Variants in TTC7A observed in about 807,000 individuals in gnomAD.
TTC7A encodes the protein tetratricopeptide repeat domain 7A.
Under a neutral mutation model 103.7 loss-of-function variants are expected in TTC7A, and 110 were observed. That is an observed-to-expected ratio of 1.06 (90% CI 0.91 to 1.24). The LOEUF is 1.24. Ranked by LOEUF, TTC7A falls within the 50% of genes most tolerant of loss-of-function variation. TTC7A has a pLI of 0.00. For missense variants in TTC7A, 1,340 were observed against 1,116.3 expected (o/e 1.20, Z -2.86); for synonymous variants, 521 against 467.9 (o/e 1.11, Z -1.47).
At chr2:46,958,465 C>T (rs1488689253) in intron 3 of TTC7A, 1 of 1,302,772 alleles carries the variant, frequency 7.7e-7, no homozygotes, top group Non-Finnish European at 1.0e-6. Flanking sequence ...GATGGATTGC[C>T]CCCTGTCTCC....
At chr2:46,943,686 T>G (rs1349906499) in intron 1 of TTC7A, among the ~76,000 whole-genome samples, 1 of 152,192 alleles carries the variant, frequency 6.6e-6, no homozygotes, top group Non-Finnish European at 1.5e-5. Context: ...GATTGAGAGC[T>G]TGTTCTTTTT....
intron 19 of TTC7A, among the ~76,000 whole-genome samples, chr2:47,070,375 C>A (rs1438852295): frequency 1.3e-5 from 2 of 152,248 alleles, no homozygotes; most frequent in Non-Finnish European, 2.9e-5. Context: ...TCCACGTGGG[C>A]AGCATCCCTG....
chr2:46,974,837 T>A, intron 3 of TTC7A, 136 bp from the exon 4 acceptor site: 274 of 1,169,584 alleles, frequency 2.3e-4, no homozygotes, highest in Middle Eastern at 1.3e-3. Context: ...CTCCCTCCCC[T>A]CCGCAGACCT....
At chr2:47,059,233 G>A (rs943719105) in intron 18 of TTC7A, among the ~76,000 whole-genome samples, 1 of 151,632 alleles carries the variant, frequency 6.6e-6, no homozygotes, top group Non-Finnish European at 1.5e-5. Context: ...ATCCTGGCCA[G>A]GCTGGTCTTG....
intron 10 of TTC7A, among the ~76,000 whole-genome samples, chr2:47,010,842 G>A (rs911821504): frequency 2.6e-5 from 4 of 152,138 alleles, no homozygotes; most frequent in African/African-American, 9.7e-5. Flanking sequence ...TGGGACTATG[G>A]ACACACGCCT....
At chr2:46,981,138 A>G (rs1674414081) in intron 5 of TTC7A, among the ~76,000 whole-genome samples, 1 of 152,208 alleles carries the variant, frequency 6.6e-6, no homozygotes. Flanking sequence ...CTTGACAGAA[A>G]AAATTTGCTG....
chr2:47,010,795 G>A (rs185938933), intron 10 of TTC7A, among the ~76,000 whole-genome samples: 174 of 152,306 alleles, frequency 1.1e-3, no homozygotes, highest in Non-Finnish European at 2.2e-3. Flanking sequence ...CACCTCTTGG[G>A]TTCAAGCGAT....
In TTC7A at chr2:46,968,557, G is replaced by T. The variant is rs954556149; in HGVS notation, c.518-6416G>T. 3.9e-5 allele frequency among the ~76,000 whole-genome samples: 6 copies of T among 152,312 alleles called. No individual in the cohort carries two copies. In the East Asian group the frequency reaches 9.6e-4, roughly 24 times the overall value. ...CAAGGTTCCCGGCCCCTTTTTATGGGCAGAACTGGGTGACTGGACTGTGAC... is the reference window on the plus strand; with the variant it reads ...CAAGGTTCCCGGCCCCTTTTTATGGTCAGAACTGGGTGACTGGACTGTGAC... On this transcript the variant is annotated intron_variant, in intron 3 of 19. Transcript: ENST00000319190.
chr2:47,029,451 C>A, intron 15 of TTC7A, 67 bp downstream of exon 15: 1 of 1,556,336 alleles, frequency 6.4e-7, no homozygotes, highest in Non-Finnish European at 8.8e-7. Context: ...CGCCCATGCA[C>A]ACCTGCCCTG....
At chr2:46,945,246 C>G (rs1309775473) in intron 1 of TTC7A, among the ~76,000 whole-genome samples, 1 of 151,974 alleles carries the variant, frequency 6.6e-6, no homozygotes. Context: ...GGTGTGTATG[C>G]CACTACACCC....
At chr2:46,925,387 A>T (rs770740365) in intron 2 of TTC7A, among the ~76,000 whole-genome samples, 9 of 152,100 alleles carry the variant, frequency 5.9e-5, no homozygotes, top group Non-Finnish European at 8.8e-5. Flanking sequence ...GTGAAACCCC[A>T]TCTCTACTAA....
At chr2:46,926,609 T>G (rs879601993) in intron 2 of TTC7A, among the ~76,000 whole-genome samples, 1 of 152,204 alleles carries the variant, frequency 6.6e-6, no homozygotes, top group Admixed American at 6.5e-5. Context: ...GATTTCAGAT[T>G]GGTAGAGCCC....
intron 2 of TTC7A, among the ~76,000 whole-genome samples, chr2:46,918,281 T>C (rs1261568938): frequency 2.0e-5 from 3 of 152,242 alleles, no homozygotes; most frequent in African/African-American, 7.2e-5. Flanking sequence ...ATTTATCTCA[T>C]CCCTTTACCT....
chr2:47,064,397 A>T lies in TTC7A; in HGVS notation c.2355+3426A>T, dbSNP rs545300534. The stretch of plus-strand genomic sequence containing the variant: ...CACTCAGCTGGGGTATTCAGAACTG[A>T]ATTCACTGGCAGAAAATTCTAGCCA... On this transcript the variant is annotated intron_variant, in intron 19 of 19. Coordinates refer to ENST00000319190, the MANE Select transcript of TTC7A (RefSeq NM_020458.4). Among the ~76,000 whole-genome samples, 3 of 152,358 alleles carry T rather than the reference A, an allele frequency of 2.0e-5. No homozygotes were observed. The East Asian group carries it at 5.8e-4, about 29-fold the overall frequency.
At chr2:47,003,667 C>T (rs1257476216) in intron 8 of TTC7A, among the ~76,000 whole-genome samples, 1 of 152,214 alleles carries the variant, frequency 6.6e-6, no homozygotes, top group Non-Finnish European at 1.5e-5. Flanking sequence ...TGCCTGGCTC[C>T]ACCCGCTCCC....
chr2:47,006,370 A>G (rs1677384604), intron 9 of TTC7A, among the ~76,000 whole-genome samples: 1 of 152,200 alleles, frequency 6.6e-6, no homozygotes, highest in South Asian at 2.1e-4. Context: ...CACAAATCTT[A>G]TTCCATTTGC....
At chr2:47,018,380 C>T (rs1182759890) in intron 11 of TTC7A, among the ~76,000 whole-genome samples, 2 of 151,148 alleles carry the variant, frequency 1.3e-5, no homozygotes, top group African/African-American at 4.9e-5. Flanking sequence ...CTCAGGAGTT[C>T]GAGACCACCC....
At chr2:46,915,919 G>C (rs1343943144), upstream of TTC7A, 1 of 985,112 alleles carries the variant, frequency 1.0e-6, no homozygotes, top group Non-Finnish European at 1.2e-6. Flanking sequence ...AGGACGGCTC[G>C]CGTGAGTCCA....
At chr2:47,050,608 G>A (rs1247425383) in intron 17 of TTC7A, 1 of 153,556 alleles carries the variant, frequency 6.5e-6, no homozygotes, top group African/African-American at 2.4e-5. Context: ...GTTGTATTTA[G>A]TGGAATTGCT....
Sources: allele counts gnomAD v4.1 joint callset (sites outside exome capture counted in the v4.1 genomes callset), GRCh38; gene constraint gnomAD v4.1.1; transcripts MANE v1.5; gene names NCBI Gene and HGNC (gene_info 2026-07-23, HGNC 2026-07-21).